The following RBM26 variants were observed in gnomAD, a reference collection of about 807,000 sequenced individuals.
The protein encoded by RBM26 is RNA-binding protein 26.
Under a neutral mutation model 123.6 loss-of-function variants are expected in RBM26, and 30 were observed. The observed-to-expected ratio is 0.24, with a 90% CI of 0.18 to 0.33. RBM26 has a LOEUF of 0.33. Ranked by LOEUF, RBM26 falls within the 10% of genes least tolerant of loss-of-function variation. RBM26 has a pLI of 1.00. For missense variants in RBM26, 947 were observed against 1,203.6 expected, an observed-to-expected ratio of 0.79 and a Z score of 3.15; for synonymous variants, 400 against 404.4, an observed-to-expected ratio of 0.99 and a Z score of 0.13.
chr13:79,397,999 T>A (rs902106909), intron 1 of RBM26, among the ~76,000 whole-genome samples: 6 of 152,200 alleles, frequency 3.9e-5, no homozygotes, highest in Non-Finnish European at 5.9e-5. Context: ...ACTTACTCCA[T>A]TATTTAATAC....
intron 7 of RBM26, 126 bp from the exon 8 acceptor site, chr13:79,366,321 T>C: frequency 9.4e-7 from 1 of 1,065,026 alleles, no homozygotes; most frequent in Non-Finnish European, 1.3e-6. Context: ...CCCTTACAAC[T>C]GAATTAGATA....
chr13:79,390,131 ACT>A (rs1354504223), intron 1 of RBM26, among the ~76,000 whole-genome samples: 2 of 152,324 alleles, frequency 1.3e-5, no homozygotes, highest in East Asian at 3.9e-4. Context: ...CTATTTCTAC[ACT>A]GTTTAAATTT....
intron 3 of RBM26, chr13:79,376,207 T>G (rs1210345956): frequency 6.7e-6 from 1 of 148,834 alleles, no homozygotes; most frequent in Non-Finnish European, 1.5e-5. Context: ...AGTTTGTTTG[T>G]TTTTTTTTTC....
chr13:79,339,694 T>TA (rs1343416668), intron 18 of RBM26, among the ~76,000 whole-genome samples: 1 of 152,098 alleles, frequency 6.6e-6, no homozygotes, highest in Non-Finnish European at 1.5e-5. Context: ...TAAACTTGAG[T>TA]AACACTGAAT....
chr13:79,368,493 G>T (rs2075566337), intron 6 of RBM26, among the ~76,000 whole-genome samples: 1 of 152,050 alleles, frequency 6.6e-6, no homozygotes, highest in South Asian at 2.1e-4. Flanking sequence ...TACTCATTTG[G>T]TAAACTCCCA....
chr13:79,313,008 A>C (rs972770469), exon 5 of RBM26: 1 of 151,912 alleles, frequency 6.6e-6, no homozygotes, highest in African/African-American at 2.4e-5. Flanking sequence ...AAATATTTAT[A>C]AACTCTATTA....
At chr13:79,397,815 A>G (rs2078724840) in intron 1 of RBM26, among the ~76,000 whole-genome samples, 2 of 152,098 alleles carry the variant, frequency 1.3e-5, no homozygotes, top group Admixed American at 6.5e-5. Flanking sequence ...ACACTTGGTA[A>G]AATTTCAGAA....
At chr13:79,390,025 T>G (rs1299740578) in intron 1 of RBM26, among the ~76,000 whole-genome samples, 1 of 152,150 alleles carries the variant, frequency 6.6e-6, no homozygotes, top group African/African-American at 2.4e-5. Flanking sequence ...GTCATGTATA[T>G]TCATCAATAG....
chr13:79,318,432 A>C (rs1161381214), downstream of RBM26, among the ~76,000 whole-genome samples: 1 of 151,374 alleles, frequency 6.6e-6, no homozygotes, highest in Non-Finnish European at 1.5e-5. Context: ...GTACATGTAG[A>C]GTGCTAGTAT....
intron 3 of RBM26, among the ~76,000 whole-genome samples, chr13:79,373,408 T>C (rs1423835297): frequency 5.4e-5 from 2 of 37,008 alleles, no homozygotes; most frequent in Admixed American, 5.2e-4. Flanking sequence ...ATATATTATA[T>C]ACTATATATA....
intron 5 of RBM26, among the ~76,000 whole-genome samples, chr13:79,369,342 G>A (rs1315402055): frequency 6.6e-6 from 1 of 151,522 alleles, no homozygotes; most frequent in East Asian, 1.9e-4. Context: ...TTTTTCCTGT[G>A]ATGAACATTT....
intron 20 of RBM26, among the ~76,000 whole-genome samples, chr13:79,327,159 G>T (rs764621041): frequency 5.3e-5 from 8 of 152,020 alleles, no homozygotes; most frequent in South Asian, 4.2e-4. Context: ...AGCCAACTGT[G>T]GCGGCGTGTG....
intron 1 of RBM26, among the ~76,000 whole-genome samples, chr13:79,396,314 T>C (rs112444178): frequency 0.017 from 2,576 of 150,862 alleles, 26 homozygotes; most frequent in Non-Finnish European, 0.027. Flanking sequence ...AAATAGAAAA[T>C]AGAAAAAAAA....
downstream of RBM26, among the ~76,000 whole-genome samples, chr13:79,317,398 G>GGACCTA (rs1336773211): frequency 6.6e-6 from 1 of 151,660 alleles, no homozygotes; most frequent in African/African-American, 2.4e-5. Flanking sequence ...AGGGACCTTA[G>GGACCTA]AGATCATCTA....
chr13:79,348,319 C>T (rs1285543548), intron 14 of RBM26, among the ~76,000 whole-genome samples: 2 of 151,992 alleles, frequency 1.3e-5, no homozygotes, highest in African/African-American at 4.8e-5. Flanking sequence ...ACTAATACCT[C>T]TTATTTTCCC....
In RBM26 at chr13:79,359,470, G is replaced by C. The variant is rs183606185; in HGVS notation, c.1529+105C>G. The C allele has an allele frequency of 1.1e-4, 69 of 601,688 alleles. No individual in the cohort carries two copies. In the East Asian group the frequency reaches 1.7e-3, roughly 14 times the overall value. 37.3% of individuals were successfully genotyped at this position (601,688 alleles called of 1,614,324 possible). A position where few individuals can be genotyped will look rare whatever the true frequency, so the allele number is the denominator to read the frequency against. On this transcript the variant is annotated intron_variant, in intron 10 of 21. Transcript: ENST00000438737. The stretch of plus-strand genomic sequence containing the variant: ...ACACTTGGGGATTGCTTACAGAACA[G>C]AGTAACATTTTTGGAAGAAACCAAA...
intron 1 of RBM26, among the ~76,000 whole-genome samples, chr13:79,392,201 A>G (rs189918159): frequency 0.36 from 36,240 of 100,900 alleles, 9,335 homozygotes; most frequent in South Asian, 0.53. Flanking sequence ...ATAATTATAT[A>G]TTATACAATA....
chr13:79,354,771 A>C (rs1315624934), intron 12 of RBM26, among the ~76,000 whole-genome samples: 1 of 152,224 alleles, frequency 6.6e-6, no homozygotes, highest in Non-Finnish European at 1.5e-5. Context: ...TACTGGAATA[A>C]ATTAAAGTCC....
intron 20 of RBM26, among the ~76,000 whole-genome samples, chr13:79,325,749 G>C (rs892697579): frequency 2.6e-5 from 4 of 152,010 alleles, no homozygotes; most frequent in Admixed American, 2.6e-4. Context: ...GTGTTTATAA[G>C]GTCTAAAGTA....
Sources: allele counts gnomAD v4.1 joint callset (sites outside exome capture counted in the v4.1 genomes callset), GRCh38; gene constraint gnomAD v4.1.1; transcripts MANE v1.5; gene names NCBI Gene and HGNC (gene_info 2026-07-23, HGNC 2026-07-21).